The following PCDH9 variants were observed in gnomAD, a reference collection of about 807,000 sequenced individuals.
PCDH9 encodes protocadherin-9.
A neutral mutation model predicts 70.6 loss-of-function variants in PCDH9; 24 were observed. That is an observed-to-expected ratio of 0.34 (90% confidence interval 0.25 to 0.48). The LOEUF (loss-of-function observed/expected upper bound fraction) is 0.48. Ranked by LOEUF, PCDH9 falls within the 20% of genes least tolerant of loss-of-function variation. PCDH9 has a pLI of 0.99. For missense variants in PCDH9, 1,281 were observed against 1,503.6 expected (o/e 0.85, Z 2.45); for synonymous variants, 562 against 558.5 (o/e 1.01, Z -0.09).
At chr13:66,602,564 G>T (rs2077176284) in intron 4 of PCDH9, among the ~76,000 whole-genome samples, 1 of 145,696 alleles carries the variant, frequency 6.9e-6, no homozygotes, top group Non-Finnish European at 1.5e-5. Flanking sequence ...TTGTACAGCT[G>T]TACAATGTAT....
In PCDH9 at chr13:66,871,540, G is replaced by A. The variant is rs191653634; in HGVS notation, c.3138+31964C>T. On this transcript the variant is annotated intron_variant, in intron 3 of 4. Transcript: ENST00000377865. ...AGTAAGATGATCATGATGGTCTACCGTAGTTAGTCCCTCTGTTACTTATTG... is the reference window on the plus strand; with the variant it reads ...AGTAAGATGATCATGATGGTCTACCATAGTTAGTCCCTCTGTTACTTATTG... Among the ~76,000 whole-genome samples, 567 of 151,966 alleles carry A rather than the reference G, an allele frequency of 3.7e-3. 3 individuals carry two copies. Among genetic ancestry groups the A allele is most frequent in the African/African-American group, 0.013 (520 of 41,460 alleles).
chr13:67,158,656 G>C (rs1224395264), intron 2 of PCDH9, among the ~76,000 whole-genome samples: 1 of 152,188 alleles, frequency 6.6e-6, no homozygotes, highest in African/African-American at 2.4e-5. Context: ...ATCTTGGACA[G>C]TCCAGACTCC....
intron 2 of PCDH9, chr13:67,214,316 C>A (rs1458232850): frequency 6.6e-6 from 1 of 152,188 alleles, no homozygotes; most frequent in African/African-American, 2.4e-5. Context: ...GGTTTGATTA[C>A]ACCATGGATG....
chr13:66,953,030 A>G (rs1377528498), intron 2 of PCDH9, among the ~76,000 whole-genome samples: 1 of 152,144 alleles, frequency 6.6e-6, no homozygotes, highest in Non-Finnish European at 1.5e-5. Context: ...GGACTGTAGT[A>G]TTATTACCTA....
chr13:67,063,891 A>C (rs2085589138), intron 2 of PCDH9, among the ~76,000 whole-genome samples: 2 of 152,234 alleles, frequency 1.3e-5, no homozygotes, highest in South Asian at 4.1e-4. Flanking sequence ...TGAGGAATTG[A>C]TATGATATTT....
chr13:66,990,453 G>C lies in PCDH9; in HGVS notation c.3037-86848C>G, dbSNP rs117533615. On this transcript the variant is annotated intron_variant, in intron 2 of 4. Transcript: ENST00000377865. ...ACATATACATATACATATAGGTTAGGTTCTTACATTTGCTTAATATATCAT... is the reference window on the plus strand; with the variant it reads ...ACATATACATATACATATAGGTTAGCTTCTTACATTTGCTTAATATATCAT... Among the ~76,000 whole-genome samples the C allele has an allele frequency of 7.9e-3, 1,183 of 150,648 alleles. 10 individuals carry two copies. Among genetic ancestry groups the C allele is most frequent in the Admixed American group, 0.014 (214 of 15,084 alleles).
At chr13:67,198,497 C>A (rs2089130953) in intron 2 of PCDH9, among the ~76,000 whole-genome samples, 1 of 151,752 alleles carries the variant, frequency 6.6e-6, no homozygotes, top group Non-Finnish European at 1.5e-5. Context: ...TTTCTTCCAC[C>A]ACAACAAACA....
At chr13:66,694,488 C>T (rs1054388132) in intron 3 of PCDH9, among the ~76,000 whole-genome samples, 3 of 152,248 alleles carry the variant, frequency 2.0e-5, no homozygotes, top group Middle Eastern at 3.4e-3. Flanking sequence ...TTTGTGGCTA[C>T]TCTCACACAA....
chr13:67,150,126 C>G (rs753283979), intron 2 of PCDH9, among the ~76,000 whole-genome samples: 37 of 152,184 alleles, frequency 2.4e-4, no homozygotes, highest in Non-Finnish European at 5.0e-4. Context: ...ATCTGCCTCC[C>G]AGGTTCAAGT....
chr13:67,083,997 A>G (rs2086041874), intron 2 of PCDH9, among the ~76,000 whole-genome samples: 1 of 152,170 alleles, frequency 6.6e-6, no homozygotes, highest in Non-Finnish European at 1.5e-5. Flanking sequence ...CACCACTCTT[A>G]GGGGATTTTG....
chr13:67,076,207 G>A (rs2085874798), intron 2 of PCDH9, among the ~76,000 whole-genome samples: 1 of 152,038 alleles, frequency 6.6e-6, no homozygotes, highest in South Asian at 2.1e-4. Context: ...TATTATTTCA[G>A]TTACAGATCT....
chr13:67,061,443 G>A (rs1345632501), intron 2 of PCDH9, among the ~76,000 whole-genome samples: 3 of 151,796 alleles, frequency 2.0e-5, no homozygotes, highest in Non-Finnish European at 4.4e-5. Context: ...ATCCAACACA[G>A]TTACAAAATA....
At chr13:66,932,659 CAT>C (rs199791250) in intron 2 of PCDH9, among the ~76,000 whole-genome samples, 66,410 of 130,246 alleles carry the variant, frequency 0.51, 16,741 homozygotes, top group South Asian at 0.56. Context: ...TAAATCCTCA[CAT>C]ATATATATAT....
intron 4 of PCDH9, among the ~76,000 whole-genome samples, chr13:66,623,915 T>G (rs2077466080): frequency 6.6e-6 from 1 of 152,196 alleles, no homozygotes; most frequent in Non-Finnish European, 1.5e-5. Context: ...GTATTAAAAC[T>G]ATACTCAGTG....
At chr13:66,489,707 A>G (rs1298376618) in intron 4 of PCDH9, among the ~76,000 whole-genome samples, 1 of 152,162 alleles carries the variant, frequency 6.6e-6, no homozygotes, top group African/African-American at 2.4e-5. Context: ...CCATCTGTAT[A>G]TGCCTAGTTT....
At chr13:67,141,282 G>A (rs2087379847) in intron 2 of PCDH9, among the ~76,000 whole-genome samples, 2 of 151,978 alleles carry the variant, frequency 1.3e-5, no homozygotes, top group South Asian at 4.1e-4. Context: ...ATTAGTAGTG[G>A]GAAGAAGAAA....
chr13:67,099,747 C>T lies in PCDH9; in HGVS notation c.3036+125658G>A, dbSNP rs187719519. On this transcript the variant is annotated intron_variant, in intron 2 of 4. Coordinates refer to ENST00000377865, the MANE Select transcript of PCDH9 (RefSeq NM_203487.3). ...CTCCGGCCCAGATAACATTCACGCT[C>T]GCTCACTGCAAAGAAACAGCGAGTG... 5.9e-5 allele frequency among the ~76,000 whole-genome samples: 9 copies of T among 152,228 alleles called. No individual in the cohort carries two copies. In the East Asian group the frequency reaches 1.7e-3, roughly 29 times the overall value.
At chr13:67,171,746 G>A (rs890776084) in intron 2 of PCDH9, among the ~76,000 whole-genome samples, 2 of 152,140 alleles carry the variant, frequency 1.3e-5, no homozygotes, top group Non-Finnish European at 2.9e-5. Flanking sequence ...TGAGGCGATT[G>A]AACCTGAGTT....
chr13:66,627,061 AT>A (rs1434457913), intron 4 of PCDH9, among the ~76,000 whole-genome samples: 1 of 151,428 alleles, frequency 6.6e-6, no homozygotes, highest in Admixed American at 6.6e-5. Context: ...ATTTGTATTA[AT>A]TTCTTTGAAA....
Sources: allele counts gnomAD v4.1 joint callset (sites outside exome capture counted in the v4.1 genomes callset), GRCh38; gene constraint gnomAD v4.1.1; transcripts MANE v1.5; gene names NCBI Gene and HGNC (gene_info 2026-07-23, HGNC 2026-07-21).